Variants in PTPRT observed in about 807,000 individuals in gnomAD.
PTPRT encodes protein tyrosine phosphatase receptor type T.
A neutral mutation model predicts 176.8 loss-of-function variants in PTPRT; 56 were observed. The observed-to-expected ratio is 0.32, with a 90% confidence interval of 0.26 to 0.40. The LOEUF (loss-of-function observed/expected upper bound fraction) is 0.40, where lower values mean the gene tolerates loss of function less well. Ranked by LOEUF, PTPRT falls within the 10% of genes least tolerant of loss-of-function variation. PTPRT has a pLI of 1.00. For synonymous variants in PTPRT, 783 were observed against 739.0 expected, an observed-to-expected ratio of 1.06 and a Z score of -0.96; for missense variants, 1,540 against 1,908.2, an observed-to-expected ratio of 0.81 and a Z score of 3.60.
At chr20:42,565,290 C>T (rs898242318) in intron 7 of PTPRT, among the ~76,000 whole-genome samples, 13 of 152,278 alleles carry the variant, frequency 8.5e-5, no homozygotes, top group East Asian at 3.9e-4. Context: ...TGCTTCTGTC[C>T]GCCTAGGTGC....
the PTPRT span, among the ~76,000 whole-genome samples, chr20:42,049,381 G>A: frequency 6.6e-6 from 1 of 152,200 alleles, no homozygotes; most frequent in Non-Finnish European, 1.5e-5. Context: ...AAGTCAAAAG[G>A]AAAGTGCTAC....
intron 2 of PTPRT, among the ~76,000 whole-genome samples, chr20:42,794,242 G>T (rs922718247): frequency 1.3e-5 from 2 of 152,160 alleles, no homozygotes; most frequent in Non-Finnish European, 2.9e-5. Context: ...CTGAGTTCTA[G>T]ATAATGGGGC....
At chr20:42,315,184 C>CAAAAAAAAAAAAAAAAAAAAAA (rs71193656) in intron 12 of PTPRT, among the ~76,000 whole-genome samples, 2 of 63,404 alleles carry the variant, frequency 3.2e-5, no homozygotes, top group African/African-American at 1.4e-4. Context: ...GGCTCCGTCT[C>CAAAAAAAAAAAAAAAAAAAAAA]AAAAAAAAAA....
intron 1 of PTPRT, among the ~76,000 whole-genome samples, chr20:43,091,487 CTCT>C (rs2011858553): frequency 7.0e-6 from 1 of 142,936 alleles, no homozygotes; most frequent in Admixed American, 6.8e-5. Flanking sequence ...CTCTCTCTCT[CTCT>C]ATTTCTCTCT....
intron 5 of PTPRT, among the ~76,000 whole-genome samples, chr20:42,764,899 GA>G (rs2076961857): frequency 6.6e-6 from 1 of 152,186 alleles, no homozygotes; most frequent in Non-Finnish European, 1.5e-5. Context: ...AGGTAGGTAG[GA>G]GGAGGAGCTG....
At position 42,972,661 on chromosome 20, in the gene PTPRT, C is replaced by A. The variant is rs1982717424; in HGVS notation, c.89-86729G>T. On this transcript the variant is annotated intron_variant, in intron 1 of 30. Coordinates refer to ENST00000373187, the MANE Select transcript of PTPRT (RefSeq NM_007050.6). ...CTCCAGCCTGGGCAACAGAATGAGA[C>A]TCCGTCTCAAAAAGCAAAAAAAAAA... Among the ~76,000 whole-genome samples, 8 of 124,370 alleles carry A rather than the reference C, an allele frequency of 6.4e-5. No homozygotes were observed. In the Admixed American group the frequency reaches 7.4e-4, roughly 12 times the overall value. 81.6% of individuals were successfully genotyped at this position (124,370 alleles called of 152,430 possible). A position where few individuals can be genotyped will look rare whatever the true frequency, so the allele number is the denominator to read the frequency against.
intron 1 of PTPRT, among the ~76,000 whole-genome samples, chr20:42,982,515 T>TA (rs2146089030): frequency 6.6e-6 from 1 of 152,028 alleles, no homozygotes; most frequent in South Asian, 2.1e-4. Flanking sequence ...TCTAAGCGTA[T>TA]AAAAAAAGCC....
intron 1 of PTPRT, among the ~76,000 whole-genome samples, chr20:42,919,558 A>AG (rs11392969): frequency 0.04 from 6,040 of 152,320 alleles, 306 homozygotes; most frequent in African/African-American, 0.12. Context: ...CCTGGCAAGC[A>AG]TAGATTCACA....
intron 2 of PTPRT, among the ~76,000 whole-genome samples, chr20:42,853,615 G>C (rs139447051): frequency 2.0e-5 from 3 of 152,254 alleles, no homozygotes; most frequent in African/African-American, 7.2e-5. Context: ...TCTGGTGCTC[G>C]AACGATTGGA....
At chr20:42,753,141 C>T (rs2076788067) in intron 6 of PTPRT, among the ~76,000 whole-genome samples, 1 of 152,124 alleles carries the variant, frequency 6.6e-6, no homozygotes, top group Non-Finnish European at 1.5e-5. Flanking sequence ...CTGCTCATGA[C>T]ATTGTGGCAC....
intron 2 of PTPRT, among the ~76,000 whole-genome samples, chr20:42,879,154 T>C (rs2078976575): frequency 6.6e-6 from 1 of 152,244 alleles, no homozygotes; most frequent in African/African-American, 2.4e-5. Context: ...GACCTGGTTT[T>C]AGTTTCCTAG....
intron 14 of PTPRT, among the ~76,000 whole-genome samples, chr20:42,241,372 T>C (rs1220474088): frequency 6.6e-6 from 1 of 152,024 alleles, no homozygotes; most frequent in East Asian, 1.9e-4. Context: ...GTTAACAAAG[T>C]GGGAATGGCA....
At chr20:42,442,030 T>C (rs1048919085) in intron 9 of PTPRT, among the ~76,000 whole-genome samples, 2 of 152,080 alleles carry the variant, frequency 1.3e-5, no homozygotes, top group Admixed American at 1.3e-4. Context: ...TGGACCAGAG[T>C]CATGAGCCAG....
chr20:42,966,328 C>G (rs1425243763), intron 1 of PTPRT: 1 of 152,144 alleles, frequency 6.6e-6, no homozygotes, highest in Non-Finnish European at 1.5e-5. Context: ...TGATGTTTAA[C>G]GAGGCTGGTA....
intron 2 of PTPRT, among the ~76,000 whole-genome samples, chr20:42,855,711 C>T (rs1280508637): frequency 6.6e-6 from 1 of 150,532 alleles, no homozygotes; most frequent in Non-Finnish European, 1.5e-5. Flanking sequence ...GTATTACAGG[C>T]ATGAGCCATC....
intron 1 of PTPRT, 112 bp from the exon 2 acceptor site, chr20:42,886,044 A>AT (rs2145871009): frequency 1.8e-6 from 1 of 544,632 alleles, no homozygotes; most frequent in Non-Finnish European, 2.6e-6. Context: ...TCTGGAGAAG[A>AT]TTTTCCATAT....
chr20:43,135,013 G>A (rs2013778255), intron 1 of PTPRT, among the ~76,000 whole-genome samples: 1 of 152,134 alleles, frequency 6.6e-6, no homozygotes, highest in Admixed American at 6.5e-5. Context: ...CACCCAAACT[G>A]TCTCCAGATA....
intron 2 of PTPRT, among the ~76,000 whole-genome samples, chr20:42,824,445 G>A (rs2077956916): frequency 6.6e-6 from 1 of 151,920 alleles, no homozygotes; most frequent in Non-Finnish European, 1.5e-5. Flanking sequence ...ACAAGAAGAA[G>A]AAAGAACATC....
intron 18 of PTPRT, among the ~76,000 whole-genome samples, chr20:42,132,688 C>G (rs371777298): frequency 2.6e-5 from 4 of 152,050 alleles, no homozygotes; most frequent in East Asian, 1.9e-4. Context: ...GAGGATGTGG[C>G]ACAGCAAGAC....
Sources: allele counts gnomAD v4.1 joint callset (sites outside exome capture counted in the v4.1 genomes callset), GRCh38; gene constraint gnomAD v4.1.1; transcripts MANE v1.5; gene names NCBI Gene and HGNC (gene_info 2026-07-23, HGNC 2026-07-21).